GRAMD1B: variants seen among roughly 807,000 people sequenced by gnomAD.
GRAMD1B encodes GRAM domain containing 1B.
A neutral mutation model predicts 99.7 loss-of-function variants in GRAMD1B; 37 were observed. The ratio of observed to expected loss-of-function variants is 0.37; its 90% confidence interval spans 0.29 to 0.49. GRAMD1B has a LOEUF of 0.49. Ranked by LOEUF, GRAMD1B falls within the 20% of genes least tolerant of loss-of-function variation. GRAMD1B has a pLI of 0.98. For synonymous variants in GRAMD1B, 427 were observed against 387.6 expected, an observed-to-expected ratio of 1.10 and a Z score of -1.19; for missense variants, 888 against 1,009.2, an observed-to-expected ratio of 0.88 and a Z score of 1.63.
At chr11:123,607,936 A>G (rs1260892156) in intron 11 of GRAMD1B, 1 of 153,544 alleles carries the variant, frequency 6.5e-6, no homozygotes, top group African/African-American at 2.4e-5. Flanking sequence ...TCTTCTGTAT[A>G]TGGACACAGT....
rs146047338 is a variant in GRAMD1B at position 123,369,637 on chromosome 11, C to T, written c.-176+10838C>T. On this transcript the variant is annotated intron_variant, in intron 1 of 20. Coordinates refer to the GRAMD1B transcript ENST00000638157. ...CTGCCATCCCAGCAATTTGGTTGGCCGAGGTGGGTGGATTGCTTGAGGCCA... is the reference window on the plus strand; with the variant it reads ...CTGCCATCCCAGCAATTTGGTTGGCTGAGGTGGGTGGATTGCTTGAGGCCA... Among the ~76,000 whole-genome samples, 204 of 152,008 alleles carry T rather than the reference C, an allele frequency of 1.3e-3. 1 individual carries two copies. Among genetic ancestry groups the T allele is most frequent in the African/African-American group, 4.8e-3 (201 of 41,454 alleles).
Position 123,578,370 on chromosome 11 carries a change from C to T in GRAMD1B, c.663+793C>T, listed in dbSNP as rs1394977158. ...TTGTTCTTCCTCTCCTCTTCTTCCCCACCATTTCCCAAATACCTTCTTTGC... is the reference window on the plus strand; with the variant it reads ...TTGTTCTTCCTCTCCTCTTCTTCCCTACCATTTCCCAAATACCTTCTTTGC... On this transcript the variant is annotated intron_variant, in intron 3 of 19. Coordinates refer to ENST00000635736, the MANE Select transcript of GRAMD1B (RefSeq NM_001387025.1). 3.4e-6 allele frequency: 5 copies of T among 1,491,758 alleles called. No individual in the cohort carries two copies. In the East Asian group the frequency reaches 1.2e-4, roughly 37 times the overall value. The allele number at this position is 1,491,758 out of a possible 1,614,324, so 92.4% of individuals were successfully genotyped here.
Position 123,575,674 on chromosome 11 carries a change from G to C in GRAMD1B, c.453-1693G>C, listed in dbSNP as rs1948632363. Among the ~76,000 whole-genome samples, 3 of 152,116 alleles carry C rather than the reference G, an allele frequency of 2.0e-5. No individual in the cohort carries two copies. The South Asian group carries it at 6.2e-4, about 32-fold the overall frequency. ...CACCTGCTCTCCACGCTTCCCCAGG[G>C]GTTGTGCACTCATGGATCTGCCTGC... On this transcript the variant is annotated intron_variant, in intron 2 of 19. Transcript: ENST00000635736.
intron 1 of GRAMD1B, among the ~76,000 whole-genome samples, chr11:123,366,879 C>T (rs78640104): frequency 0.023 from 3,521 of 152,210 alleles, 139 homozygotes; most frequent in African/African-American, 0.081. Context: ...CACATTATCA[C>T]TTTATATTAT....
intron 3 of GRAMD1B, among the ~76,000 whole-genome samples, chr11:123,582,615 C>T (rs1012596473): frequency 9.9e-5 from 15 of 152,150 alleles, no homozygotes; most frequent in Admixed American, 9.8e-4. Context: ...TCAGAAGCAG[C>T]CCCACCCACG....
chr11:123,402,447 G>A (rs569480933), intron 1 of GRAMD1B, among the ~76,000 whole-genome samples: 40 of 152,188 alleles, frequency 2.6e-4, no homozygotes, highest in Non-Finnish European at 4.7e-4. Context: ...TATTGAGTAC[G>A]AGGTGTGTGT....
chr11:123,478,039 C>G (rs577856078), intron 1 of GRAMD1B, among the ~76,000 whole-genome samples: 3 of 152,110 alleles, frequency 2.0e-5, no homozygotes, highest in Non-Finnish European at 2.9e-5. Context: ...GTGATCCACC[C>G]GCCTCGCCTC....
At chr11:123,439,123 C>G (rs571047233) in intron 1 of GRAMD1B, among the ~76,000 whole-genome samples, 2 of 152,264 alleles carry the variant, frequency 1.3e-5, no homozygotes, top group East Asian at 1.9e-4. Flanking sequence ...TTCTTATTGT[C>G]TTGGGGGGTG....
intron 2 of GRAMD1B, among the ~76,000 whole-genome samples, chr11:123,493,500 A>T (rs891456045): frequency 2.6e-5 from 4 of 152,118 alleles, no homozygotes; most frequent in African/African-American, 9.7e-5. Context: ...TTGCCAGGGG[A>T]AGCCAGTTAT....
At chr11:123,611,063 T>C (rs1953471791) in intron 14 of GRAMD1B, among the ~76,000 whole-genome samples, 1 of 152,200 alleles carries the variant, frequency 6.6e-6, no homozygotes, top group Non-Finnish European at 1.5e-5. Context: ...CTTTTGGTTG[T>C]AAGGAGCCAA....
At chr11:123,421,096 T>C (rs1948418407) in intron 1 of GRAMD1B, among the ~76,000 whole-genome samples, 1 of 152,248 alleles carries the variant, frequency 6.6e-6, no homozygotes, top group African/African-American at 2.4e-5. Context: ...AGTGATGTTC[T>C]TGCAAAGTTG....
intron 2 of GRAMD1B, among the ~76,000 whole-genome samples, chr11:123,566,996 C>T (rs928851328): frequency 2.6e-5 from 4 of 152,260 alleles, no homozygotes; most frequent in Non-Finnish European, 4.4e-5. Context: ...AACAGGGCCA[C>T]GTGGTAATGA....
At chr11:123,526,293 T>A (rs1942734414) in intron 2 of GRAMD1B, 2 of 832,360 alleles carry the variant, frequency 2.4e-6, no homozygotes, top group Non-Finnish European at 4.1e-6. Flanking sequence ...GGGGTTAAGA[T>A]GTGGGGACTA....
intron 1 of GRAMD1B, among the ~76,000 whole-genome samples, chr11:123,475,401 T>C (rs906102875): frequency 3.3e-5 from 5 of 152,190 alleles, no homozygotes; most frequent in African/African-American, 1.2e-4. Flanking sequence ...CTTCAGCTGG[T>C]TTCCCTCAGG....
intron 2 of GRAMD1B, among the ~76,000 whole-genome samples, chr11:123,485,513 G>A (rs1177448891): frequency 6.6e-6 from 1 of 152,188 alleles, no homozygotes; most frequent in Non-Finnish European, 1.5e-5. Flanking sequence ...GACAGGAGTA[G>A]AGCGTAGGTT....
intron 1 of GRAMD1B, among the ~76,000 whole-genome samples, chr11:123,383,354 ATTTTAG>A (rs2135803136): frequency 6.6e-6 from 1 of 152,266 alleles, no homozygotes; most frequent in Non-Finnish European, 1.5e-5. Flanking sequence ...TTAGCTTGAA[ATTTTAG>A]CTCAGCCACT....
intron 1 of GRAMD1B, among the ~76,000 whole-genome samples, chr11:123,370,636 G>T (rs1305046152): frequency 6.6e-6 from 1 of 152,046 alleles, no homozygotes; most frequent in Non-Finnish European, 1.5e-5. Flanking sequence ...CACTGCACCC[G>T]CCTTCAAGAG....
At chr11:123,425,321 T>C (rs1565490546), upstream of GRAMD1B, among the ~76,000 whole-genome samples, 1 of 152,170 alleles carries the variant, frequency 6.6e-6, no homozygotes. Flanking sequence ...CCTGCTTTCC[T>C]TGGGATGGGC....
chr11:123,460,827 A>G (rs1477632035), intron 1 of GRAMD1B, among the ~76,000 whole-genome samples: 1 of 152,050 alleles, frequency 6.6e-6, no homozygotes, highest in Non-Finnish European at 1.5e-5. Flanking sequence ...GGTCTTTGAT[A>G]GGGTTTCTGC....
Sources: gnomAD v4.1 joint callset for allele counts (sites outside exome capture counted in the v4.1 genomes callset) on GRCh38, gnomAD v4.1.1 for gene constraint, MANE v1.5 for transcripts, NCBI Gene and HGNC (gene_info 2026-07-23, HGNC 2026-07-21) for gene names.